The following ZNF717 variants were observed in gnomAD, a reference collection of about 807,000 sequenced individuals.
ZNF717 encodes the protein krueppel-like factor X17.
A neutral mutation model predicts 13.8 loss-of-function variants in ZNF717; 9 were observed. That is an observed-to-expected ratio of 0.65 (90% confidence interval 0.39 to 1.14). ZNF717 has a LOEUF of 1.14. Ranked by LOEUF, ZNF717 falls within the 50% of genes most tolerant of loss-of-function variation. The pLI, the probability that ZNF717 is intolerant of heterozygous loss-of-function variation, is 0.01. For synonymous variants in ZNF717, 327 were observed against 364.1 expected (o/e 0.90, Z 1.16); for missense variants, 1,040 against 1,080.7 (o/e 0.96, Z 0.53).
chr3:75,782,459 A>G (rs758398625), intron 2 of ZNF717, among the ~76,000 whole-genome samples: 33 of 152,228 alleles, frequency 2.2e-4, no homozygotes, highest in Non-Finnish European at 3.8e-4. Context: ...ATACCTTACA[A>G]TGGAAGCTGT....
At chr3:75,780,278 A>G (rs1428301713) in intron 2 of ZNF717, among the ~76,000 whole-genome samples, 70 of 152,138 alleles carry the variant, frequency 4.6e-4, no homozygotes, top group Admixed American at 2.4e-3. Flanking sequence ...CACGTGCTAA[A>G]ACTGGAACCC....
At chr3:75,724,669 T>C (rs1285882363) in intron 4 of ZNF717, among the ~76,000 whole-genome samples, 1 of 152,200 alleles carries the variant, frequency 6.6e-6, no homozygotes, top group African/African-American at 2.4e-5. Flanking sequence ...AACATGAAAA[T>C]AAAATTGGCA....
At chr3:75,761,703 G>C (rs573419612) in intron 2 of ZNF717, among the ~76,000 whole-genome samples, 2 of 152,368 alleles carry the variant, frequency 1.3e-5, no homozygotes, top group African/African-American at 4.8e-5. Flanking sequence ...CAAGTCAGTT[G>C]CATTTCTGTA....
intron 2 of ZNF717, among the ~76,000 whole-genome samples, chr3:75,765,039 G>GTATA (rs1943354822): frequency 4.7e-5 from 4 of 85,300 alleles, no homozygotes; most frequent in African/African-American, 1.5e-4. Context: ...ATGTATATGT[G>GTATA]TGTGTGTGTG....
intron 6 of ZNF717, among the ~76,000 whole-genome samples, chr3:75,704,095 G>T: frequency 6.6e-6 from 1 of 152,308 alleles, no homozygotes; most frequent in East Asian, 1.9e-4. Context: ...ACTTTAGTGA[G>T]TACATCTGCA....
At chr3:75,748,440 A>G (rs1215115701) in intron 2 of ZNF717, among the ~76,000 whole-genome samples, 1 of 152,206 alleles carries the variant, frequency 6.6e-6, no homozygotes, top group Non-Finnish European at 1.5e-5. Flanking sequence ...AAAATCCTCA[A>G]TACAATACTT....
downstream of ZNF717, among the ~76,000 whole-genome samples, chr3:75,727,335 G>A (rs1938305933): frequency 6.6e-6 from 1 of 152,244 alleles, no homozygotes; most frequent in Non-Finnish European, 1.5e-5. Flanking sequence ...GCGATTTTCA[G>A]GGAATGAGGG....
chr3:75,705,317 A>G (rs1164397461), downstream of ZNF717, among the ~76,000 whole-genome samples: 2 of 152,006 alleles, frequency 1.3e-5, no homozygotes, highest in Non-Finnish European at 3.0e-5. Flanking sequence ...AAGTGGGAGG[A>G]AATACATTAT....
intron 2 of ZNF717, among the ~76,000 whole-genome samples, chr3:75,748,983 A>T (rs1395288283): frequency 1.3e-5 from 2 of 152,148 alleles, no homozygotes; most frequent in Non-Finnish European, 2.9e-5. Flanking sequence ...TCCCTCACAT[A>T]GGATTTCAAA....
chr3:75,761,114 T>C (rs929011665), intron 2 of ZNF717, among the ~76,000 whole-genome samples: 55 of 152,126 alleles, frequency 3.6e-4, no homozygotes, highest in Non-Finnish European at 6.0e-4. Flanking sequence ...CAAAGAGACC[T>C]GTAACTAGTA....
intron 4 of ZNF717, among the ~76,000 whole-genome samples, chr3:75,722,847 T>C (rs3009051): frequency 0.48 from 61,987 of 129,900 alleles, 13,286 homozygotes; most frequent in South Asian, 0.63. Flanking sequence ...GGCCAACTAT[T>C]GTTCTTCTTC....
Position 75,737,458 on chromosome 3 carries a change from T to C in ZNF717, c.2165A>G (p.Lys722Arg), listed in dbSNP as rs1355891863. The change falls in exon 5 of 5, where the codon AAG (lysine) becomes AGG (arginine). Residue 722 changes from lysine (K) to arginine (R), a missense_variant. Physicochemically the swap from Lys to Arg is conservative, Grantham distance 26. Around this residue, in one of 3 missense-constraint regions of ZNF717, gnomAD observed 873 missense variants for 832.8 expected, o/e 1.05. Coordinates refer to ENST00000652011, the MANE Select transcript of ZNF717 (RefSeq NM_001290208.3). ...AGGGTTTCTCCCCCGTGTGAATACC[T>C]TGATGCTTCTGAAGATTTGCCTTCT... Reference protein sequence around the residue: ...FIRRQIFRSIKVFTRGRNPMN... With the variant: ...FIRRQIFRSIRVFTRGRNPMN... 2.6e-6 allele frequency: 4 copies of C among 1,555,338 alleles called. No individual in the cohort carries two copies. The highest frequency in any genetic ancestry group is 1.2e-5 in the South Asian group (1 of 84,286).
rs1945099199 is a variant in ZNF717 at position 75,785,463 on chromosome 3, G to C, written c.-82C>G. 2.0e-5 allele frequency: 3 copies of C among 152,808 alleles called. No individual in the cohort carries two copies. The South Asian group carries it at 6.2e-4, about 32-fold the overall frequency. 9.5% of individuals were successfully genotyped at this position (152,808 alleles called of 1,614,324 possible). On this transcript the variant is annotated 5_prime_UTR_variant, in exon 1 of 5. Transcript: ENST00000652011. ...TGGGGAACACTGGTCCGGCCCCCCGGGATCCCCCGGGCCCACGGGTTCCTC... is the reference window on the plus strand; with the variant it reads ...TGGGGAACACTGGTCCGGCCCCCCGCGATCCCCCGGGCCCACGGGTTCCTC...
At chr3:75,748,393 G>T (rs1361844971) in intron 2 of ZNF717, among the ~76,000 whole-genome samples, 1 of 152,106 alleles carries the variant, frequency 6.6e-6, no homozygotes, top group African/African-American at 2.4e-5. Context: ...TCAAAAAAGA[G>T]AATTTTAGAC....
intron 6 of ZNF717, among the ~76,000 whole-genome samples, chr3:75,698,500 C>A (rs1575757430): frequency 6.6e-6 from 1 of 152,310 alleles, no homozygotes; most frequent in East Asian, 1.9e-4. Flanking sequence ...ATCCTGGCCA[C>A]TGCTTCAGCT....
rs1383630213 is a variant in ZNF717, at chr3:75,741,847, C to T, written c.58-111G>A. 19 of 1,413,870 alleles carry T rather than the reference C, an allele frequency of 1.3e-5. No individual in the cohort carries two copies. In the Admixed American group the frequency reaches 1.5e-4, roughly 11 times the overall value. The allele number at this position is 1,413,870 out of a possible 1,614,324, so 87.6% of individuals were successfully genotyped here. On this transcript the variant is annotated intron_variant, in intron 2 of 4. Transcript: ENST00000652011. ...TCCCAGGTGAAGTGCACAGCCACAT[C>T]TTCAAAGGACACCAACCCCTGTAAT...
intron 2 of ZNF717, among the ~76,000 whole-genome samples, chr3:75,781,821 C>T (rs1415786425): frequency 9.9e-5 from 15 of 151,912 alleles, no homozygotes; most frequent in African/African-American, 2.7e-4. Flanking sequence ...CGGCAGCTAA[C>T]GCCCAGAGCC....
At chr3:75,725,190 C>T (rs1575724606), downstream of ZNF717, among the ~76,000 whole-genome samples, 1 of 152,150 alleles carries the variant, frequency 6.6e-6, no homozygotes, top group Non-Finnish European at 1.5e-5. Flanking sequence ...TTCCATTTTC[C>T]ATCATGTTTC....
chr3:75,696,692 A>G (rs1374970998), intron 6 of ZNF717, among the ~76,000 whole-genome samples: 1 of 152,306 alleles, frequency 6.6e-6, no homozygotes. Context: ...CAGGAGTTCT[A>G]AACCAGTATG....
Sources: gnomAD v4.1 joint callset for allele counts (sites outside exome capture counted in the v4.1 genomes callset) on GRCh38, gnomAD v4.1.1 for gene constraint, gnomAD v4.1.1 regional missense constraint, MANE v1.5 for transcripts, NCBI Gene and HGNC (gene_info 2026-07-23, HGNC 2026-07-21) for gene names.